VSTM5: variants seen among roughly 807,000 people sequenced by gnomAD.
The protein encoded by VSTM5 is V-set and transmembrane domain containing 5, also known as V-set and transmembrane domain-containing protein 5.
A neutral mutation model predicts 20.3 loss-of-function variants in VSTM5; 21 were observed. That is an observed-to-expected ratio of 1.03 (90% CI 0.73 to 1.49). The LOEUF (loss-of-function observed/expected upper bound fraction) is 1.49, where lower values mean the gene tolerates loss of function less well. Ranked by LOEUF, VSTM5 falls within the 40% of genes most tolerant of loss-of-function variation. VSTM5 has a pLI of 0.00. For synonymous variants in VSTM5, 100 were observed against 102.5 expected (o/e 0.98, Z 0.14); for missense variants, 219 against 250.0 (o/e 0.88, Z 0.84).
chr11:93,842,895 A>G (rs950241392), intron 1 of VSTM5, among the ~76,000 whole-genome samples: 1 of 152,146 alleles, frequency 6.6e-6, no homozygotes, highest in Non-Finnish European at 1.5e-5. Flanking sequence ...TGAGGTCAGG[A>G]GTTCGAGACC....
At chr11:93,821,416 AT>A (rs1454240370) in intron 1 of VSTM5, 93 bp from the exon 2 acceptor site, 24 of 1,160,004 alleles carry the variant, frequency 2.1e-5, no homozygotes, top group Non-Finnish European at 2.8e-5. Context: ...ACAAATATTT[AT>A]TGTGTGCCTA....
intron 1 of VSTM5, among the ~76,000 whole-genome samples, 187 bp downstream of exon 1, chr11:93,850,225 G>A (rs958015570): frequency 7.9e-5 from 12 of 151,986 alleles, no homozygotes; most frequent in Non-Finnish European, 1.5e-5. Context: ...GGTCGGCGCC[G>A]GGTCTCCAGG....
At chr11:93,835,832 G>C (rs1419911369) in intron 1 of VSTM5, among the ~76,000 whole-genome samples, 1 of 152,184 alleles carries the variant, frequency 6.6e-6, no homozygotes, top group Non-Finnish European at 1.5e-5. Context: ...TTGGCTCCAG[G>C]GGGTAAGGAG....
At chr11:93,830,645 G>A (rs1334706456) in intron 1 of VSTM5, among the ~76,000 whole-genome samples, 2 of 152,228 alleles carry the variant, frequency 1.3e-5, no homozygotes, top group Non-Finnish European at 2.9e-5. Context: ...CTGAGCTGAG[G>A]GTCACTGGAT....
At chr11:93,837,553 C>T (rs1361695311) in intron 1 of VSTM5, among the ~76,000 whole-genome samples, 1 of 151,986 alleles carries the variant, frequency 6.6e-6, no homozygotes, top group Non-Finnish European at 1.5e-5. Context: ...TCGATCTGCC[C>T]TTTGTTAATA....
At chr11:93,840,980 G>A (rs1320091707) in intron 1 of VSTM5, among the ~76,000 whole-genome samples, 2 of 152,110 alleles carry the variant, frequency 1.3e-5, no homozygotes, top group African/African-American at 2.4e-5. Context: ...GAAAACACCT[G>A]GGTCTGGGGG....
At chr11:93,835,131 G>A (rs670514) in intron 1 of VSTM5, among the ~76,000 whole-genome samples, 151,289 of 152,294 alleles carry the variant, frequency 0.99, 75,166 homozygotes, top group Middle Eastern at 1. Flanking sequence ...ACTGTAAGAA[G>A]TAAATTCTTA....
intron 1 of VSTM5, among the ~76,000 whole-genome samples, chr11:93,840,559 A>C (rs1202911721): frequency 6.6e-6 from 1 of 152,198 alleles, no homozygotes; most frequent in Admixed American, 6.5e-5. Context: ...GAAATGGACT[A>C]TTTCTGGCAT....
chr11:93,839,301 G>A (rs1944350979), intron 1 of VSTM5, among the ~76,000 whole-genome samples: 1 of 152,200 alleles, frequency 6.6e-6, no homozygotes, highest in African/African-American at 2.4e-5. Context: ...GGCTCCCGTG[G>A]CCCAGGGACT....
At chr11:93,840,841 G>A (rs1053726288) in intron 1 of VSTM5, among the ~76,000 whole-genome samples, 3 of 152,090 alleles carry the variant, frequency 2.0e-5, no homozygotes, top group Admixed American at 1.3e-4. Context: ...AGGAGAATAG[G>A]GTCTATAGGC....
chr11:93,837,838 C>A (rs10765635), intron 1 of VSTM5, among the ~76,000 whole-genome samples: 1 of 151,970 alleles, frequency 6.6e-6, no homozygotes, highest in Non-Finnish European at 1.5e-5. Context: ...CAAACACACC[C>A]ATAAAAAAAG....
Position 93,837,888 on chromosome 11 carries a change from C to T in VSTM5, c.91+12524G>A, listed in dbSNP as rs559332570. Reference sequence around the variant, plus strand: ...AAACAGGTAAGCTGCTTCTCTGACTCTTAAGAGGAAGCTCAGCCAACTGCA... The same window carrying T: ...AAACAGGTAAGCTGCTTCTCTGACTTTTAAGAGGAAGCTCAGCCAACTGCA... On this transcript the variant is annotated intron_variant, in intron 1 of 3. Transcript: ENST00000409977. 1.8e-4 allele frequency among the ~76,000 whole-genome samples: 27 copies of T among 151,898 alleles called. No individual in the cohort carries two copies. In the South Asian group the frequency reaches 5.2e-3, roughly 29 times the overall value.
intron 1 of VSTM5, among the ~76,000 whole-genome samples, chr11:93,836,549 C>T (rs538076832): frequency 6.6e-6 from 1 of 151,346 alleles, no homozygotes; most frequent in South Asian, 2.1e-4. Context: ...GCTACTCCCC[C>T]TGCCTGCTCC....
At chr11:93,830,992 A>G (rs950181318) in intron 1 of VSTM5, among the ~76,000 whole-genome samples, 9 of 151,980 alleles carry the variant, frequency 5.9e-5, no homozygotes, top group African/African-American at 2.2e-4. Flanking sequence ...TCCTGAGCTC[A>G]AAGCAGTCCG....
chr11:93,823,346 A>T lies in VSTM5; in HGVS notation c.92-2023T>A, dbSNP rs571589475. On this transcript the variant is annotated intron_variant, in intron 1 of 3. Transcript: ENST00000409977. ...AAAAACTTCTTTAAAAATTTTTTTT[A>T]AATTTAATTGACAAATAAAGATTGT... is the stretch of plus-strand genomic sequence containing the variant. 3.3e-5 allele frequency among the ~76,000 whole-genome samples: 5 copies of T among 152,198 alleles called. No individual in the cohort carries two copies. The East Asian group carries it at 5.8e-4, about 18-fold the overall frequency.
intron 1 of VSTM5, 77 bp from the exon 2 acceptor site, chr11:93,821,400 T>G: frequency 7.8e-7 from 1 of 1,284,048 alleles, no homozygotes; most frequent in Non-Finnish European, 1.1e-6. Flanking sequence ...TTTGTTGATC[T>G]ATTACACAAA....
At chr11:93,840,073 G>C (rs59726694) in intron 1 of VSTM5, among the ~76,000 whole-genome samples, 34,001 of 152,064 alleles carry the variant, frequency 0.22, 5,023 homozygotes, top group African/African-American at 0.42. Flanking sequence ...TTACAGGCCT[G>C]AGAACTAACC....
Position 93,820,979 on chromosome 11 carries a change from GGCC to G in VSTM5, c.418+15_418+17del, listed in dbSNP as rs1565298403. On this transcript the variant is annotated intron_variant, in intron 2 of 3. Coordinates refer to ENST00000409977, the MANE Select transcript of VSTM5 (RefSeq NM_001144871.2). Reference sequence around the variant, plus strand: ...ATTCACAGTTCAGAGGGGTGCCCGGGGCCCTGGGATGTCTTACCAGAGACGTGC... The same window carrying G: ...ATTCACAGTTCAGAGGGGTGCCCGGGCTGGGATGTCTTACCAGAGACGTGC... The G allele has an allele frequency of 6.4e-7, 1 of 1,550,924 alleles. No homozygotes were observed. Among genetic ancestry groups the G allele is most frequent in the South Asian group, 1.2e-5 (1 of 84,010 alleles).
rs1944450388 is a variant in VSTM5, at chr11:93,850,477, C to T, written c.26G>A (p.Arg9Lys). The change falls in exon 1 of 4, where the codon AGG (arginine) becomes AAG (lysine). Residue 9 changes from arginine to lysine, a missense_variant. By Grantham distance (26) the Arg-to-Lys change is conservative. Transcript: ENST00000409977. MRPLPSGR[R>K]KTRGISLGLF... ...TCCTAGGGAGATGCCTCGGGTCTTC[C>T]TCCTCCCGCTGGGCAGAGGCCTCAT... The T allele has an allele frequency of 1.9e-6, 3 of 1,549,754 alleles. No individual in the cohort carries two copies. The highest frequency in any genetic ancestry group is 2.4e-5 in the South Asian group (2 of 83,940).
Sources: allele counts gnomAD v4.1 joint callset (sites outside exome capture counted in the v4.1 genomes callset), GRCh38; gene constraint gnomAD v4.1.1; transcripts MANE v1.5; gene names NCBI Gene and HGNC (gene_info 2026-07-23, HGNC 2026-07-21).